CAPN14: variants seen among roughly 807,000 people sequenced by gnomAD.
CAPN14 encodes the protein calpain 14.
In CAPN14, 94 loss-of-function variants were observed where a neutral mutation model predicts 101.3. The observed-to-expected ratio is 0.93, with a 90% confidence interval of 0.79 to 1.10. The LOEUF is 1.10. Ranked by LOEUF, CAPN14 falls within the 50% of genes least tolerant of loss-of-function variation. The pLI is 0.00. For missense variants in CAPN14, 837 were observed against 828.4 expected, an observed-to-expected ratio of 1.01 and a Z score of -0.13; for synonymous variants, 338 against 317.9, an observed-to-expected ratio of 1.06 and a Z score of -0.67.
intron 1 of CAPN14, among the ~76,000 whole-genome samples, chr2:31,206,706 T>C (rs754290192): frequency 4.6e-5 from 7 of 152,238 alleles, no homozygotes; most frequent in Non-Finnish European, 8.8e-5. Context: ...AGAATCCATT[T>C]TGATAACCCA....
chr2:31,200,131 A>T (rs1681676466), intron 6 of CAPN14, among the ~76,000 whole-genome samples: 1 of 151,848 alleles, frequency 6.6e-6, no homozygotes, highest in African/African-American at 2.4e-5. Context: ...AGCCTCCCAA[A>T]TAGCTGGGAT....
chr2:31,204,615 A>G (rs1681975735), intron 2 of CAPN14, among the ~76,000 whole-genome samples: 1 of 152,158 alleles, frequency 6.6e-6, no homozygotes, highest in Non-Finnish European at 1.5e-5. Context: ...ACCCAAAAGG[A>G]CAGGGTGTAA....
At chr2:31,225,746 C>T (rs1044715292) in intron 2 of CAPN14, among the ~76,000 whole-genome samples, 7 of 151,860 alleles carry the variant, frequency 4.6e-5, no homozygotes, top group African/African-American at 1.7e-4. Context: ...TATGTAAAAA[C>T]ACTGGTGGTA....
chr2:31,218,359 A>G (rs944566601), upstream of CAPN14, among the ~76,000 whole-genome samples: 2 of 151,998 alleles, frequency 1.3e-5, no homozygotes, highest in Non-Finnish European at 2.9e-5. Flanking sequence ...AGAACCCAGA[A>G]CCATGCCTAG....
At chr2:31,204,567 G>A (rs1223359081) in intron 2 of CAPN14, among the ~76,000 whole-genome samples, 3 of 152,138 alleles carry the variant, frequency 2.0e-5, no homozygotes, top group African/African-American at 7.2e-5. Flanking sequence ...GGCCAATGAT[G>A]TAATCAATCA....
At chr2:31,180,844 G>T in intron 17 of CAPN14, 92 bp downstream of exon 17, 1 of 1,081,008 alleles carries the variant, frequency 9.3e-7, no homozygotes, top group Non-Finnish European at 1.4e-6. Flanking sequence ...AATTAGCAAG[G>T]ATTGGGGTTG....
In CAPN14 at chr2:31,211,288, CA is replaced by C. The variant is rs200144052; in HGVS notation, c.-52-5790del. ...AGGAAGGGTCACAAAAATCAGAAAG[CA>C]AAAAAAATGACTATTATTCACAGAA... On this transcript the variant is annotated intron_variant, in intron 1 of 21. Coordinates refer to ENST00000403897, the MANE Select transcript of CAPN14 (RefSeq NM_001145122.2). Among the ~76,000 whole-genome samples, 893 of 150,356 alleles carry C rather than the reference CA, an allele frequency of 5.9e-3. 8 individuals carry two copies. Among genetic ancestry groups the C allele is most frequent in the African/African-American group, 0.021 (850 of 41,070 alleles).
In CAPN14 at chr2:31,178,511, C is replaced by G. The variant is rs1446782661; in HGVS notation, c.1779G>C (p.Gln593His). 1.9e-6 allele frequency: 3 copies of G among 1,550,548 alleles called. No individual in the cohort carries two copies. In the South Asian group the frequency reaches 3.6e-5, roughly 18 times the overall value. Residue 593 changes from glutamine to histidine, a missense_variant and splice_region_variant, in exon 18 of 22, where the codon CAG becomes CAC. By Grantham distance (24) the Gln-to-His change is conservative. Coordinates refer to ENST00000403897, the MANE Select transcript of CAPN14 (RefSeq NM_001145122.2). ...RDLWKQLKLS[Q>H]KVFHKQDRGS... The stretch of plus-strand genomic sequence containing the variant: ...AGGTGTGGTTAAGACTTGTTCTTAC[C>G]TGAGAGAGCTTCAGCTGCTTCCACA...
intron 3 of CAPN14, among the ~76,000 whole-genome samples, chr2:31,202,514 T>C (rs1224138227): frequency 6.6e-6 from 1 of 152,156 alleles, no homozygotes; most frequent in Admixed American, 6.5e-5. Context: ...CTGAATGCCC[T>C]ATCCTCAGGA....
Position 31,189,297 on chromosome 2 carries a change from AC to A in CAPN14, c.1468del (p.Val490SerfsTer23). The part of the protein sequence containing the change: ...AHQKSEFVLR[V>X]FSRKHIFYEI... Reference sequence around the variant, plus strand: ...CTAAAAGATGTGCTTCCTGGAGAAGACCCTGAGGACGAACTCTGACTTCTGG... The same window carrying A: ...CTAAAAGATGTGCTTCCTGGAGAAGACCTGAGGACGAACTCTGACTTCTGG... On this transcript the variant is annotated frameshift_variant, in exon 13 of 22. Coordinates refer to ENST00000403897, the MANE Select transcript of CAPN14 (RefSeq NM_001145122.2). LOFTEE classifies it high-confidence loss of function. The A allele has an allele frequency of 2.6e-6, 4 of 1,551,430 alleles. No homozygotes were observed. The highest frequency in any genetic ancestry group is 3.5e-6 in the Non-Finnish European group (4 of 1,147,008).
chr2:31,233,725 G>T (rs182941977), intron 1 of CAPN14: 4 of 151,170 alleles, frequency 2.6e-5, no homozygotes, highest in Non-Finnish European at 5.9e-5. Context: ...TGGTTATTTT[G>T]TGTAACCTGA....
At chr2:31,218,015 T>A (rs1285458202), upstream of CAPN14, among the ~76,000 whole-genome samples, 1 of 152,098 alleles carries the variant, frequency 6.6e-6, no homozygotes, top group East Asian at 1.9e-4. Flanking sequence ...AAGGAGGAAA[T>A]CTGTGATTCA....
Position 31,231,826 on chromosome 2 carries a change from C to T in CAPN14, c.-177+1965G>A, listed in dbSNP as rs143667545. 6.1e-4 allele frequency among the ~76,000 whole-genome samples: 93 copies of T among 152,300 alleles called. No homozygotes were observed. The East Asian group carries it at 0.012, about 19-fold the overall frequency. On this transcript the variant is annotated intron_variant and NMD_transcript_variant, in intron 1 of 21. Coordinates refer to the CAPN14 transcript ENST00000398824. The stretch of plus-strand genomic sequence containing the variant: ...CACTGTATTAACACCAGGCGTGGCA[C>T]GGGGCCGCAAGCCTTGCTCCACTAG...
intron 3 of CAPN14, among the ~76,000 whole-genome samples, chr2:31,202,797 C>A (rs1681863606): frequency 3.9e-5 from 6 of 152,128 alleles, no homozygotes; most frequent in Admixed American, 2.0e-4. Context: ...GCACATTTTC[C>A]AAATTTAAAT....
chr2:31,211,224 G>A (rs1367745892), intron 1 of CAPN14, among the ~76,000 whole-genome samples: 2 of 130,566 alleles, frequency 1.5e-5, no homozygotes, highest in Non-Finnish European at 3.3e-5. Flanking sequence ...AAAAGAAAGA[G>A]AGAAAGAAAG....
intron 1 of CAPN14, among the ~76,000 whole-genome samples, chr2:31,214,359 T>G (rs1682538739): frequency 1.3e-5 from 2 of 152,324 alleles, no homozygotes; most frequent in East Asian, 3.9e-4. Context: ...TGCTGGGGCC[T>G]GATTTAGGTT....
At chr2:31,205,971 T>TCAA (rs1461028999) in intron 1 of CAPN14, among the ~76,000 whole-genome samples, 1 of 151,868 alleles carries the variant, frequency 6.6e-6, no homozygotes, top group Non-Finnish European at 1.5e-5. Flanking sequence ...TCCTCCTGCT[T>TCAA]CAATGTCCTC....
chr2:31,201,546 T>C (rs2365554), intron 5 of CAPN14, among the ~76,000 whole-genome samples: 151,988 of 152,312 alleles, frequency 1, 75,833 homozygotes, highest in East Asian at 1. Flanking sequence ...AAATGAGAAG[T>C]GAAGCCTTTG....
intron 19 of CAPN14, 40 bp from the exon 20 acceptor site, chr2:31,177,182 T>G: frequency 1.4e-6 from 2 of 1,392,192 alleles, no homozygotes; most frequent in East Asian, 5.0e-5. Context: ...TATTGGGGGC[T>G]TGCACCCAGC....
Sources: allele counts gnomAD v4.1 joint callset (sites outside exome capture counted in the v4.1 genomes callset), GRCh38; gene constraint gnomAD v4.1.1; transcripts MANE v1.5; gene names NCBI Gene and HGNC (gene_info 2026-07-23, HGNC 2026-07-21).